Variants in ANXA4 observed in about 807,000 individuals in gnomAD.
ANXA4 encodes annexin A4, also known as 35-beta calcimedin.
Under a neutral mutation model 49.8 loss-of-function variants are expected in ANXA4, and 39 were observed. The ratio of observed to expected loss-of-function variants is 0.78; its 90% CI spans 0.61 to 1.02. The LOEUF is 1.02. Among genes scored for constraint, ANXA4 ranks in the 50% least tolerant of loss-of-function variants. The pLI is 0.00. For synonymous variants in ANXA4, 134 were observed against 152.5 expected (o/e 0.88, Z 0.89); for missense variants, 360 against 410.1 (o/e 0.88, Z 1.05).
At chr2:69,675,975 C>T (rs1677398272) in intron 2 of ANXA4, among the ~76,000 whole-genome samples, 1 of 149,648 alleles carries the variant, frequency 6.7e-6, no homozygotes, top group African/African-American at 2.5e-5. Context: ...CCACTGCACT[C>T]CAGCCTGGGC....
intron 8 of ANXA4, among the ~76,000 whole-genome samples, chr2:69,813,738 TTCTCTC>T (rs763588413): frequency 7.6e-6 from 1 of 131,988 alleles, no homozygotes. Context: ...AGACCCAGTA[TTCTCTC>T]TCTCTCTCTC....
intron 2 of ANXA4, among the ~76,000 whole-genome samples, chr2:69,704,275 CATT>C (rs1296339623): frequency 2.6e-5 from 4 of 152,170 alleles, no homozygotes; most frequent in Admixed American, 6.5e-5. Flanking sequence ...TCTTTTCTTT[CATT>C]ATATTTTCTA....
intron 1 of ANXA4, among the ~76,000 whole-genome samples, chr2:69,754,315 C>T (rs1487210862): frequency 6.6e-6 from 1 of 152,156 alleles, no homozygotes; most frequent in African/African-American, 2.4e-5. Context: ...GGTTTGGGGA[C>T]CCTTTCAGAC....
chr2:69,721,166 C>T (rs974752920), intron 3 of ANXA4, among the ~76,000 whole-genome samples: 4 of 152,342 alleles, frequency 2.6e-5, no homozygotes, highest in East Asian at 3.9e-4. Context: ...TGCCACAGCC[C>T]GGCCACTCTT....
At chr2:69,685,075 G>A (rs79767316) in intron 2 of ANXA4, among the ~76,000 whole-genome samples, 1 of 152,296 alleles carries the variant, frequency 6.6e-6, no homozygotes, top group African/African-American at 2.4e-5. Context: ...ACTGGTAACA[G>A]TGGAGTATTC....
chr2:69,705,719 G>A (rs566555373), intron 2 of ANXA4, among the ~76,000 whole-genome samples: 209 of 152,290 alleles, frequency 1.4e-3, no homozygotes, highest in African/African-American at 4.9e-3. Flanking sequence ...ATCACTTGAG[G>A]TCAGGAGTTC....
At position 69,656,304 on chromosome 2, in the gene ANXA4, T is replaced by C. The variant is rs1189243841; in HGVS notation, n.766+3022T>C. On this transcript the variant is annotated intron_variant and non_coding_transcript_variant, in intron 2 of 3. Transcript: ENST00000418066. ...ATATATATACATATATGTATATATA[T>C]GTATATATGTATATATATGTATATA... Among the ~76,000 whole-genome samples the C allele has an allele frequency of 3.7e-3, 379 of 101,220 alleles. 26 individuals are homozygous for C. The highest frequency in any genetic ancestry group is 0.024 in the East Asian group (31 of 1,272). The allele number at this position is 101,220 out of a possible 152,430, so 66.4% of individuals were successfully genotyped here.
rs561784048 is a variant in ANXA4 at position 69,670,083 on chromosome 2, C to A, written n.766+16801C>A. ...TAGAGACAGGGTAGGAACTGAAGCA[C>A]AAAGTGAAAGTTTACCAAAATCATT... is the stretch of plus-strand genomic sequence containing the variant. On this transcript the variant is annotated intron_variant and non_coding_transcript_variant, in intron 2 of 3. Transcript: ENST00000418066. Among the ~76,000 whole-genome samples, 10 of 152,242 alleles carry A rather than the reference C, an allele frequency of 6.6e-5. No individual in the cohort carries two copies. The South Asian group carries it at 2.1e-3, about 32-fold the overall frequency.
intron 12 of ANXA4, among the ~76,000 whole-genome samples, chr2:69,821,932 C>G (rs973697590): frequency 1.3e-5 from 2 of 152,032 alleles, no homozygotes; most frequent in African/African-American, 2.4e-5. Flanking sequence ...CAAAATAACC[C>G]CAGGAAATGA....
Position 69,719,614 on chromosome 2 carries a change from AT to A in ANXA4, n.767-1155del, listed in dbSNP as rs60240885. Among the ~76,000 whole-genome samples, 752 of 151,182 alleles carry A rather than the reference AT, an allele frequency of 5.0e-3. 7 individuals carry two copies. Among genetic ancestry groups the A allele is most frequent in the African/African-American group, 0.017 (691 of 41,166 alleles). ...ACCAACACACCTGGCTAATTTTTAT[AT>A]TTTTAGTAGAGACAGGTTTCACCAT... On this transcript the variant is annotated intron_variant and non_coding_transcript_variant, in intron 2 of 3. Transcript: ENST00000418066.
chr2:69,816,895 T>C (rs1233316010), intron 9 of ANXA4: 1 of 152,188 alleles, frequency 6.6e-6, no homozygotes. Context: ...CACACACTGA[T>C]TTGCAAAGCT....
chr2:69,751,683 C>T (rs1670848617), intron 1 of ANXA4, among the ~76,000 whole-genome samples: 1 of 151,898 alleles, frequency 6.6e-6, no homozygotes, highest in East Asian at 1.9e-4. Context: ...TCTAGGGGAT[C>T]CAGGTGAGGA....
chr2:69,741,625 G>C (rs1220136318), upstream of ANXA4, among the ~76,000 whole-genome samples: 1 of 152,268 alleles, frequency 6.6e-6, no homozygotes, highest in African/African-American at 2.4e-5. Flanking sequence ...TTCCGGCCAC[G>C]GGCTCGGCAC....
chr2:69,667,526 G>A (rs531961124), intron 2 of ANXA4, among the ~76,000 whole-genome samples: 22 of 152,084 alleles, frequency 1.4e-4, no homozygotes, highest in African/African-American at 2.7e-4. Flanking sequence ...GATTCAGTCC[G>A]ATGTACAAAA....
At chr2:69,698,196 G>T (rs1678218635) in intron 2 of ANXA4, among the ~76,000 whole-genome samples, 1 of 152,124 alleles carries the variant, frequency 6.6e-6, no homozygotes, top group African/African-American at 2.4e-5. Flanking sequence ...TCTCATACGA[G>T]CACTAATCTC....
At chr2:69,807,047 A>T (rs763401590) in intron 5 of ANXA4, among the ~76,000 whole-genome samples, 2 of 152,218 alleles carry the variant, frequency 1.3e-5, no homozygotes, top group Non-Finnish European at 2.9e-5. Context: ...GCCTTCTGAG[A>T]GTAGCAGGTG....
chr2:69,745,999 CTTTTGTTTGTTT>C (rs1260330686), intron 1 of ANXA4, among the ~76,000 whole-genome samples: 1 of 151,716 alleles, frequency 6.6e-6, no homozygotes, highest in Non-Finnish European at 1.5e-5. Flanking sequence ...AAGGATAGTT[CTTTTGTTTGTTT>C]ATTTGTTTGT....
chr2:69,787,910 A>G, intron 2 of ANXA4, 144 bp from the exon 3 acceptor site: 1 of 655,878 alleles, frequency 1.5e-6, no homozygotes. Context: ...GCAAGAGCTT[A>G]ATTTTTCATG....
At chr2:69,750,477 A>G (rs1670793047) in intron 1 of ANXA4, among the ~76,000 whole-genome samples, 2 of 152,356 alleles carry the variant, frequency 1.3e-5, no homozygotes, top group Admixed American at 6.5e-5. Context: ...CAGTGGCACA[A>G]CAATGGCACA....
Sources: allele counts gnomAD v4.1 joint callset (sites outside exome capture counted in the v4.1 genomes callset), GRCh38; gene constraint gnomAD v4.1.1; transcripts MANE v1.5; gene names NCBI Gene and HGNC (gene_info 2026-07-23, HGNC 2026-07-21).